The following SKP1 variants were observed in gnomAD, a reference collection of about 807,000 sequenced individuals.
The protein encoded by SKP1 is S-phase kinase-associated protein 1.
Under a neutral mutation model 21.5 loss-of-function variants are expected in SKP1, and 1 was observed. The ratio of observed to expected loss-of-function variants is 0.05; its 90% CI spans 0.02 to 0.22. The LOEUF is 0.22. Ranked by LOEUF, SKP1 falls within the 10% of genes least tolerant of loss-of-function variation. The pLI is 1.00. For missense variants in SKP1, 70 were observed against 192.0 expected, an observed-to-expected ratio of 0.36 and a Z score of 3.76; for synonymous variants, 59 against 59.3, an observed-to-expected ratio of 0.99 and a Z score of 0.03.
chr5:134,157,073 C>CT lies in SKP1; in HGVS notation c.*659dup, dbSNP rs1761132366. ...AGTGTCTTTTTAATTGAAAAGCTAA[C>CT]TGTCCAGTTACATTTCTCCCAAAAA... On this transcript the variant is annotated 3_prime_UTR_variant, in exon 6 of 6. Transcript: ENST00000353411. The CT allele has an allele frequency of 6.6e-6, 1 of 152,654 alleles. No individual in the cohort carries two copies. Among genetic ancestry groups the CT allele is most frequent in the Non-Finnish European group, 1.5e-5 (1 of 68,034 alleles). The allele number at this position is 152,654 out of a possible 1,614,324, so 9.5% of individuals were successfully genotyped here.
chr5:134,168,380 C>A (rs1311827436), intron 2 of SKP1, among the ~76,000 whole-genome samples: 1 of 152,060 alleles, frequency 6.6e-6, no homozygotes, highest in African/African-American at 2.4e-5. Context: ...CGCACAAACA[C>A]GCACAAAACA....
intron 3 of SKP1, among the ~76,000 whole-genome samples, chr5:134,162,710 A>G (rs896289746): frequency 3.9e-5 from 6 of 152,208 alleles, no homozygotes; most frequent in Non-Finnish European, 7.4e-5. Flanking sequence ...GAAATAAATA[A>G]TAGCTTTTTA....
chr5:134,167,933 G>A (rs1761364575), intron 2 of SKP1, among the ~76,000 whole-genome samples: 1 of 152,096 alleles, frequency 6.6e-6, no homozygotes, highest in Non-Finnish European at 1.5e-5. Flanking sequence ...TATCCACAGG[G>A]GTGTCCTGAA....
chr5:134,166,634 G>A (rs935600615), intron 3 of SKP1, among the ~76,000 whole-genome samples: 1 of 137,088 alleles, frequency 7.3e-6, no homozygotes, highest in Non-Finnish European at 1.6e-5. Context: ...ATACTTACTT[G>A]TTAATACCTG....
At chr5:134,165,010 A>G (rs1366026469) in intron 3 of SKP1, among the ~76,000 whole-genome samples, 2 of 145,422 alleles carry the variant, frequency 1.4e-5, no homozygotes, top group Non-Finnish European at 1.5e-5. Context: ...AAAGTAGAAT[A>G]GTGTTTACCT....
At position 134,150,197 on chromosome 5, in the gene SKP1, AG is replaced by A. The variant is rs1288874034; in HGVS notation, c.*7535del. On this transcript the variant is annotated 3_prime_UTR_variant, in exon 6 of 6. Transcript: ENST00000353411. ...ACAAAGCCTATGTCTCCCAACGTGA[AG>A]GTGTCTACTTTAACAGAACCCCATG... 1 of 152,180 alleles carries A rather than the reference AG, an allele frequency of 6.6e-6. No homozygotes were observed. Among genetic ancestry groups the A allele is most frequent in the Non-Finnish European group, 1.5e-5 (1 of 68,038 alleles). 9.4% of individuals were successfully genotyped at this position (152,180 alleles called of 1,614,324 possible). A position where few individuals can be genotyped will look rare whatever the true frequency, so the allele number is the denominator to read the frequency against.
At chr5:134,165,626 C>T (rs752973784) in intron 3 of SKP1, among the ~76,000 whole-genome samples, 6 of 146,568 alleles carry the variant, frequency 4.1e-5, no homozygotes, top group Non-Finnish European at 7.5e-5. Flanking sequence ...GTGGCTCATG[C>T]CTGTAATCCC....
intron 1 of SKP1, among the ~76,000 whole-genome samples, chr5:134,176,451 G>A (rs1580625904): frequency 1.3e-5 from 2 of 152,198 alleles, no homozygotes; most frequent in South Asian, 2.1e-4. Flanking sequence ...GACAGCCAAG[G>A]GACCCCCATT....
At chr5:134,167,689 A>G (rs1024383791) in intron 2 of SKP1, among the ~76,000 whole-genome samples, 8 of 152,040 alleles carry the variant, frequency 5.3e-5, no homozygotes, top group African/African-American at 1.9e-4. Context: ...ACGCCCGGCT[A>G]ATTTTTTGTA....
In SKP1 at chr5:134,154,851, T is replaced by G. The variant is rs528587173; in HGVS notation, c.*2882A>C. The G allele has an allele frequency of 1.3e-5, 2 of 152,332 alleles. No homozygotes were observed. The highest frequency in any genetic ancestry group is 2.9e-5 in the Non-Finnish European group (2 of 68,024). The allele number at this position is 152,332 out of a possible 1,614,324, so 9.4% of individuals were successfully genotyped here. A position where few individuals can be genotyped will look rare whatever the true frequency, so the allele number is the denominator to read the frequency against. On this transcript the variant is annotated 3_prime_UTR_variant, in exon 6 of 6. Coordinates refer to ENST00000353411, the MANE Select transcript of SKP1 (RefSeq NM_170679.3). ...TAACAGTAATTAGAGAAAGTCTTCA[T>G]AATTCATCAGTAACCACTCTCCAAA...
chr5:134,164,739 C>T (rs369102718), intron 3 of SKP1, among the ~76,000 whole-genome samples: 4 of 150,786 alleles, frequency 2.7e-5, no homozygotes, highest in South Asian at 2.1e-4. Flanking sequence ...CATGAATTAA[C>T]GTAAGACAAG....
chr5:134,163,671 T>G (rs1761267667), intron 3 of SKP1, among the ~76,000 whole-genome samples: 1 of 151,848 alleles, frequency 6.6e-6, no homozygotes, highest in Admixed American at 6.6e-5. Flanking sequence ...GTGCTTGTAC[T>G]CCCAGCTACT....
intron 3 of SKP1, among the ~76,000 whole-genome samples, chr5:134,163,871 C>T (rs775606175): frequency 6.6e-6 from 1 of 152,088 alleles, no homozygotes; most frequent in South Asian, 2.1e-4. Flanking sequence ...TCACCCAACC[C>T]TTTAACTCTG....
At chr5:134,159,338 T>C (rs141872146) in intron 4 of SKP1, among the ~76,000 whole-genome samples, 62 of 152,308 alleles carry the variant, frequency 4.1e-4, no homozygotes, top group Admixed American at 2.0e-4. Context: ...TCTAATTCCA[T>C]TGCAGTCAGA....
chr5:134,151,715 C>G lies in SKP1; in HGVS notation c.*6018G>C. Reference sequence around the variant, plus strand: ...AGAACTACAGATGTGGAAGCAGACACTGTTATGAGCAACTACATTCCTCCC... The same window carrying G: ...AGAACTACAGATGTGGAAGCAGACAGTGTTATGAGCAACTACATTCCTCCC... On this transcript the variant is annotated 3_prime_UTR_variant, in exon 6 of 6. Coordinates refer to ENST00000353411, the MANE Select transcript of SKP1 (RefSeq NM_170679.3). 1 of 456,148 alleles carries G rather than the reference C, an allele frequency of 2.2e-6. No homozygotes were observed. The allele number at this position is 456,148 out of a possible 1,614,324, so 28.3% of individuals were successfully genotyped here. A position where few individuals can be genotyped will look rare whatever the true frequency, so the allele number is the denominator to read the frequency against.
chr5:134,151,967 T>C lies in SKP1; in HGVS notation c.*5766A>G. 4.1e-6 allele frequency: 1 copy of C among 244,278 alleles called. No individual in the cohort carries two copies. The highest frequency in any genetic ancestry group is 8.5e-6 in the Non-Finnish European group (1 of 117,426). The allele number at this position is 244,278 out of a possible 1,614,324, so 15.1% of individuals were successfully genotyped here. On this transcript the variant is annotated 3_prime_UTR_variant, in exon 6 of 6. Transcript: ENST00000353411. The stretch of plus-strand genomic sequence containing the variant: ...AGGATAACATTCAGCCAATCCTGCT[T>C]AGGTGTCCAAATGGCTCAATCTTGG...
chr5:134,157,919 G>A (rs759536141), intron 5 of SKP1, 151 bp from the exon 6 acceptor site: 21 of 1,553,228 alleles, frequency 1.4e-5, no homozygotes, highest in Non-Finnish European at 1.4e-5. Context: ...CTATATTTCC[G>A]GATTTCCTTT....
At chr5:134,160,218 A>C (rs958774900) in intron 4 of SKP1, among the ~76,000 whole-genome samples, 16 of 151,830 alleles carry the variant, frequency 1.1e-4, no homozygotes, top group African/African-American at 3.4e-4. Context: ...TTAGCTGAGC[A>C]TGGTGGCTCA....
chr5:134,168,229 C>G (rs2149376019), intron 2 of SKP1, among the ~76,000 whole-genome samples: 1 of 152,270 alleles, frequency 6.6e-6, no homozygotes, highest in East Asian at 1.9e-4. Context: ...CCTTTCCTTA[C>G]CCTTTATATC....
Sources: allele counts gnomAD v4.1 joint callset (sites outside exome capture counted in the v4.1 genomes callset), GRCh38; gene constraint gnomAD v4.1.1; transcripts MANE v1.5; gene names NCBI Gene and HGNC (gene_info 2026-07-23, HGNC 2026-07-21).